Variants in QTMAN observed in about 807,000 individuals in gnomAD.
The protein encoded by QTMAN is tRNA-queuosine alpha-mannosyltransferase.
At chr2:144,106,558 AT>A in the QTMAN span, among the ~76,000 whole-genome samples, 4 of 152,258 alleles carry the variant, frequency 2.6e-5, no homozygotes, top group Non-Finnish European at 4.4e-5. Flanking sequence ...AGAGCTAACT[AT>A]CCTAAACATA....
At chr2:144,045,902 A>G in the QTMAN span, among the ~76,000 whole-genome samples, 2 of 152,158 alleles carry the variant, frequency 1.3e-5, no homozygotes, top group African/African-American at 4.8e-5. Flanking sequence ...TTGAAGAGAG[A>G]GCCAAATGTG....
chr2:143,990,348 G>A, the QTMAN span, among the ~76,000 whole-genome samples: 1 of 152,122 alleles, frequency 6.6e-6, no homozygotes, highest in African/African-American at 2.4e-5. Context: ...AGAGAGTGAA[G>A]GCCACAGAAG....
the QTMAN span, among the ~76,000 whole-genome samples, chr2:143,969,982 T>C: frequency 6.6e-6 from 1 of 152,236 alleles, no homozygotes; most frequent in Admixed American, 6.5e-5. Flanking sequence ...CAAATAATGC[T>C]GAACACCCAA....
the QTMAN span, among the ~76,000 whole-genome samples, chr2:144,298,088 G>A: frequency 1.1e-3 from 160 of 150,730 alleles, no homozygotes; most frequent in Non-Finnish European, 1.1e-3. Context: ...GCGCGATCTC[G>A]GCTCACTTCA....
the QTMAN span, among the ~76,000 whole-genome samples, chr2:144,291,476 T>C: frequency 6.6e-6 from 1 of 152,248 alleles, no homozygotes; most frequent in Non-Finnish European, 1.5e-5. Context: ...CCCAAAATGT[T>C]AGGCTTTGCC....
chr2:144,148,205 T>C, the QTMAN span, among the ~76,000 whole-genome samples: 1 of 151,824 alleles, frequency 6.6e-6, no homozygotes, highest in Non-Finnish European at 1.5e-5. Flanking sequence ...GAGATTCATG[T>C]CAAATTATTT....
At chr2:144,157,884 A>G in the QTMAN span, among the ~76,000 whole-genome samples, 1 of 151,984 alleles carries the variant, frequency 6.6e-6, no homozygotes, top group African/African-American at 2.4e-5. Flanking sequence ...AAAATAAACT[A>G]GATGGCATCC....
At chr2:144,097,250 A>T in the QTMAN span, among the ~76,000 whole-genome samples, 1 of 152,168 alleles carries the variant, frequency 6.6e-6, no homozygotes, top group Non-Finnish European at 1.5e-5. Flanking sequence ...GAATTCCAAT[A>T]CTCAAATTAC....
At chr2:144,200,460 T>C in the QTMAN span, among the ~76,000 whole-genome samples, 1 of 152,206 alleles carries the variant, frequency 6.6e-6, no homozygotes, top group Non-Finnish European at 1.5e-5. Flanking sequence ...CTCAGCCATG[T>C]TGGAAAAACA....
the QTMAN span, among the ~76,000 whole-genome samples, chr2:144,209,706 T>C: frequency 1.3e-5 from 2 of 152,156 alleles, no homozygotes; most frequent in Non-Finnish European, 2.9e-5. Context: ...GAACATAAAA[T>C]CTCTAATATA....
the QTMAN span, chr2:144,007,624 T>C: frequency 4.1e-6 from 3 of 729,242 alleles, no homozygotes; most frequent in South Asian, 3.0e-5. Context: ...ATAATGATTA[T>C]ATATAAAACT....
At chr2:144,141,771 A>G in the QTMAN span, 1 of 740,706 alleles carries the variant, frequency 1.4e-6, no homozygotes, top group Admixed American at 2.4e-5. Flanking sequence ...TAATTCTCTA[A>G]CTAACCATAC....
At chr2:144,250,953 T>C in the QTMAN span, among the ~76,000 whole-genome samples, 4 of 152,110 alleles carry the variant, frequency 2.6e-5, no homozygotes, top group African/African-American at 4.8e-5. Flanking sequence ...AGAAACTTTT[T>C]AAACTGTCAT....
chr2:144,025,599 G>T, the QTMAN span, among the ~76,000 whole-genome samples: 2 of 152,170 alleles, frequency 1.3e-5, no homozygotes, highest in Admixed American at 1.3e-4. Flanking sequence ...TGCAAGTAGG[G>T]TATGACCTGA....
the QTMAN span, among the ~76,000 whole-genome samples, chr2:144,172,379 G>A: frequency 6.6e-6 from 1 of 152,108 alleles, no homozygotes; most frequent in African/African-American, 2.4e-5. Flanking sequence ...TCAACACTTT[G>A]GGAGGCTGAG....
At chr2:143,991,559 T>TG in the QTMAN span, among the ~76,000 whole-genome samples, 16 of 129,162 alleles carry the variant, frequency 1.2e-4, no homozygotes, top group African/African-American at 3.8e-4. Context: ...GGGAGGGAGG[T>TG]GGGGGGGTCA....
At chr2:144,296,517 C>T in the QTMAN span, among the ~76,000 whole-genome samples, 2 of 152,058 alleles carry the variant, frequency 1.3e-5, no homozygotes, top group African/African-American at 4.8e-5. Context: ...TATTAAAGTA[C>T]AAAAAATATT....
the QTMAN span, among the ~76,000 whole-genome samples, chr2:144,010,650 G>T: frequency 9.9e-5 from 15 of 151,918 alleles, no homozygotes; most frequent in African/African-American, 3.6e-4. Flanking sequence ...ATGTCATCTG[G>T]GGCACCTGAG....
the QTMAN span, among the ~76,000 whole-genome samples, chr2:144,193,524 A>ATGTG: frequency 6.8e-6 from 1 of 147,254 alleles, no homozygotes; most frequent in African/African-American, 2.5e-5. Flanking sequence ...GTGTGTGTGT[A>ATGTG]TGTGTGTGTG....
Sources: allele counts gnomAD v4.1 joint callset (sites outside exome capture counted in the v4.1 genomes callset), GRCh38; gene constraint gnomAD v4.1.1; transcripts MANE v1.5; gene names NCBI Gene and HGNC (gene_info 2026-07-23, HGNC 2026-07-21).